The following EXD3 variants were observed in gnomAD, a reference collection of about 807,000 sequenced individuals.
The protein encoded by EXD3 is exonuclease 3'-5' domain containing 3.
Under a neutral mutation model 98.0 loss-of-function variants are expected in EXD3, and 92 were observed. The observed-to-expected ratio is 0.94, with a 90% confidence interval of 0.79 to 1.12. The LOEUF (loss-of-function observed/expected upper bound fraction) is 1.12, where lower values mean the gene tolerates loss of function less well. Ranked by LOEUF, EXD3 falls within the 50% of genes most tolerant of loss-of-function variation. The probability of loss-of-function intolerance (pLI) is 0.00; values close to 1 mark genes in which losing one functional copy is unlikely to be tolerated. For missense variants in EXD3, 1,222 were observed against 1,191.6 expected (o/e 1.03, Z -0.38); for synonymous variants, 569 against 526.0 (o/e 1.08, Z -1.12).
rs563046637 is a variant in EXD3 at position 137,330,686 on chromosome 9, C to T, written c.1999-6543G>A. Among the ~76,000 whole-genome samples, 21 of 151,876 alleles carry T rather than the reference C, an allele frequency of 1.4e-4. 1 individual carries two copies. In the South Asian group the frequency reaches 3.8e-3, roughly 27 times the overall value. On this transcript the variant is annotated intron_variant, in intron 17 of 21. Transcript: ENST00000340951. The stretch of plus-strand genomic sequence containing the variant: ...GGACTTCTCGAGGGCAACAATGGAG[C>T]CAAAAGGTAGTGGAGGGTTTTCAAA...
chr9:137,317,305 C>G (rs1327175014), intron 19 of EXD3, among the ~76,000 whole-genome samples: 1 of 152,288 alleles, frequency 6.6e-6, no homozygotes, highest in African/African-American at 2.4e-5. Flanking sequence ...GACTCCCTCC[C>G]TTGAACCTGG....
intron 1 of EXD3, among the ~76,000 whole-genome samples, chr9:137,404,560 A>G (rs775776806): frequency 1.3e-5 from 2 of 152,246 alleles, no homozygotes; most frequent in Non-Finnish European, 2.9e-5. Context: ...AAATCATGCA[A>G]AAAAAATCAC....
intron 17 of EXD3, among the ~76,000 whole-genome samples, chr9:137,332,609 C>G (rs146978631): frequency 6.6e-6 from 1 of 151,724 alleles, no homozygotes. Flanking sequence ...TTTGGGAGGC[C>G]AAGGCGGGCA....
At chr9:137,321,409 G>T (rs1344127304) in intron 19 of EXD3, among the ~76,000 whole-genome samples, 3 of 152,214 alleles carry the variant, frequency 2.0e-5, no homozygotes, top group Admixed American at 1.3e-4. Context: ...TTGGGAGGCT[G>T]GGATTACTCA....
At chr9:137,307,715 A>G in intron 20 of EXD3, 69 bp from the exon 21 acceptor site, 1 of 1,570,892 alleles carries the variant, frequency 6.4e-7, no homozygotes, top group Admixed American at 1.7e-5. Context: ...AGCGGGGTCC[A>G]TGACGCAGCC....
In EXD3 at chr9:137,403,455, A is replaced by G. The variant is rs1395786619; in HGVS notation, c.-47-8051T>C. ...AGCAGCAGCCAGCACACCCTGGCCC[A>G]GGGTCTCCGAGGGTCGGGGGCCGCA... On this transcript the variant is annotated intron_variant, in intron 1 of 21. Coordinates refer to ENST00000340951, the MANE Select transcript of EXD3 (RefSeq NM_017820.5). This position sits in a 1 kb window ranked among gnomAD's most constrained non-coding sequence, Gnocchi z 6.1. Among the ~76,000 whole-genome samples the G allele has an allele frequency of 6.6e-6, 1 of 151,674 alleles. No homozygotes were observed. Among genetic ancestry groups the G allele is most frequent in the Non-Finnish European group, 1.5e-5 (1 of 67,926 alleles).
At position 137,405,837 on chromosome 9, in the gene EXD3, C is replaced by T. The variant is rs1056741306; in HGVS notation, c.-47-10433G>A. On this transcript the variant is annotated intron_variant, in intron 1 of 21. Coordinates refer to ENST00000340951, the MANE Select transcript of EXD3 (RefSeq NM_017820.5). The surrounding 1 kb of genome is among the most constrained non-coding windows in gnomAD (Gnocchi z 4.1). ...CCCGCCCTGCCTACCATCTGCTGCC[C>T]TGGAACCCTTGGTGGGACCCGCTGC... 1.2e-4 allele frequency among the ~76,000 whole-genome samples: 19 copies of T among 152,228 alleles called. No individual in the cohort carries two copies. The highest frequency in any genetic ancestry group is 4.6e-4 in the African/African-American group (19 of 41,458).
At chr9:137,354,130 T>C (rs766740711) in intron 10 of EXD3, 5 of 1,419,820 alleles carry the variant, frequency 3.5e-6, no homozygotes, top group Non-Finnish European at 4.6e-6. Flanking sequence ...AGTCAGGCTC[T>C]ACTGATGCCC....
chr9:137,327,716 A>C (rs1224444229), intron 17 of EXD3, among the ~76,000 whole-genome samples: 1 of 150,836 alleles, frequency 6.6e-6, no homozygotes, highest in African/African-American at 2.4e-5. Flanking sequence ...GATGAGTAAA[A>C]ACAACAAATA....
Position 137,393,166 on chromosome 9 carries a change from T to G in EXD3, c.55+2137A>C. ...AGGCTGTTCCAGGGGCCCTGCTAGC[T>G]GGGGTGTTGCACTTTGAAAACATCC... On this transcript the variant is annotated intron_variant, in intron 2 of 21. Coordinates refer to ENST00000340951, the MANE Select transcript of EXD3 (RefSeq NM_017820.5). This position sits in a 1 kb window ranked among gnomAD's most constrained non-coding sequence, Gnocchi z 4.6. 1.4e-6 allele frequency: 1 copy of G among 702,458 alleles called. No individual in the cohort carries two copies. Among genetic ancestry groups the G allele is most frequent in the Non-Finnish European group, 2.6e-6 (1 of 384,906 alleles). The allele number at this position is 702,458 out of a possible 1,614,324, so 43.5% of individuals were successfully genotyped here.
At chr9:137,373,220 G>T in intron 4 of EXD3, 148 bp from the exon 5 acceptor site, 1 of 1,152,364 alleles carries the variant, frequency 8.7e-7, no homozygotes, top group South Asian at 1.5e-5. Context: ...GGGCACGGGA[G>T]GGGCGAGGCC....
chr9:137,337,816 C>CTCTGTTGCTCTG (rs1368915998), intron 17 of EXD3, among the ~76,000 whole-genome samples: 1 of 151,006 alleles, frequency 6.6e-6, no homozygotes, highest in Non-Finnish European at 1.5e-5. Context: ...GAGATGGAGT[C>CTCTGTTGCTCTG]TTGCTCTGTT....
chr9:137,330,624 A>G (rs62586831), intron 17 of EXD3, among the ~76,000 whole-genome samples: 85,814 of 109,844 alleles, frequency 0.78, 34,413 homozygotes, highest in East Asian at 0.92. Flanking sequence ...CTACACAGGA[A>G]CTACACAGGA....
At chr9:137,313,035 A>C (rs1044326392) in intron 19 of EXD3, among the ~76,000 whole-genome samples, 1 of 152,092 alleles carries the variant, frequency 6.6e-6, no homozygotes, top group African/African-American at 2.4e-5. Flanking sequence ...GTGAGGGAGG[A>C]CTGGACGCTC....
intron 1 of EXD3, among the ~76,000 whole-genome samples, chr9:137,396,837 A>G (rs530972759): frequency 6.6e-6 from 1 of 152,282 alleles, no homozygotes; most frequent in East Asian, 1.9e-4. Context: ...ACTGGATGAT[A>G]TATCTTAGGA....
At position 137,368,085 on chromosome 9, in the gene EXD3, G is replaced by C. The variant is rs187942833; in HGVS notation, c.463-96C>G. 4.0e-4 allele frequency: 412 copies of C among 1,022,884 alleles called. 1 individual carries two copies. Among genetic ancestry groups the C allele is most frequent in the Admixed American group, 1.2e-3 (56 of 47,274 alleles). 63.4% of individuals were successfully genotyped at this position (1,022,884 alleles called of 1,614,324 possible). A position where few individuals can be genotyped will look rare whatever the true frequency, so the allele number is the denominator to read the frequency against. On this transcript the variant is annotated intron_variant, in intron 5 of 21. Transcript: ENST00000340951. The stretch of plus-strand genomic sequence containing the variant: ...TACCACCCTTTTGCACCAGCACCTG[G>C]TCACTGAGGCCGGAGTGCAGGGCCT...
intron 7 of EXD3, among the ~76,000 whole-genome samples, chr9:137,363,401 G>T (rs1463098582): frequency 7.3e-6 from 1 of 137,822 alleles, no homozygotes. Flanking sequence ...GCAGTGGCGT[G>T]ATCTCGGCTC....
At chr9:137,352,246 C>T (rs534171553) in intron 11 of EXD3, 45 bp from the exon 12 acceptor site, 21 of 1,609,882 alleles carry the variant, frequency 1.3e-5, no homozygotes, top group Middle Eastern at 1.7e-4. Context: ...CCTGGTCCCC[C>T]ACCCACTCTG....
At chr9:137,340,260 G>A (rs1833575332) in intron 17 of EXD3, among the ~76,000 whole-genome samples, 1 of 152,070 alleles carries the variant, frequency 6.6e-6, no homozygotes, top group Non-Finnish European at 1.5e-5. Context: ...GGCGGATCAT[G>A]AGGTCAAGGA....
Sources: allele counts gnomAD v4.1 joint callset (sites outside exome capture counted in the v4.1 genomes callset), GRCh38; gene constraint gnomAD v4.1.1; non-coding constraint Gnocchi (gnomAD v3.1); transcripts MANE v1.5; gene names NCBI Gene and HGNC (gene_info 2026-07-23, HGNC 2026-07-21).